Variants in SIPA1L2 observed in about 807,000 individuals in gnomAD.
SIPA1L2 encodes signal-induced proliferation-associated 1-like protein 2.
In SIPA1L2, 56 loss-of-function variants were observed where a neutral mutation model predicts 163.9. The ratio of observed to expected loss-of-function variants is 0.34; its 90% CI spans 0.28 to 0.43. The LOEUF (loss-of-function observed/expected upper bound fraction) is 0.43, where lower values mean the gene tolerates loss of function less well. Among genes scored for constraint, SIPA1L2 ranks in the 20% least tolerant of loss-of-function variants. The pLI is 1.00. For missense variants in SIPA1L2, 1,974 were observed against 2,193.5 expected, an observed-to-expected ratio of 0.90 and a Z score of 2.00; for synonymous variants, 877 against 865.7, an observed-to-expected ratio of 1.01 and a Z score of -0.23.
chr1:232,611,033 T>C (rs1011949676), intron 1 of SIPA1L2, among the ~76,000 whole-genome samples: 4 of 152,086 alleles, frequency 2.6e-5, no homozygotes, highest in Non-Finnish European at 4.4e-5. Flanking sequence ...CAGTGGGAGA[T>C]AGTTTGAATC....
chr1:232,621,798 C>T (rs74839609), intron 1 of SIPA1L2, among the ~76,000 whole-genome samples: 236 of 151,976 alleles, frequency 1.6e-3, no homozygotes, highest in African/African-American at 5.6e-3. Context: ...CTGGCACGAT[C>T]AGCCCACCGT....
intron 3 of SIPA1L2, among the ~76,000 whole-genome samples, chr1:232,505,951 A>G (rs1307730289): frequency 2.6e-5 from 4 of 152,196 alleles, no homozygotes; most frequent in Non-Finnish European, 4.4e-5. Flanking sequence ...GAAGGAAAAA[A>G]CAGCTACCAG....
chr1:232,599,457 C>A lies in SIPA1L2; in HGVS notation c.-318-25235G>T, dbSNP rs1007633842. 2.0e-5 allele frequency among the ~76,000 whole-genome samples: 3 copies of A among 152,244 alleles called. No individual in the cohort carries two copies. In the East Asian group the frequency reaches 5.8e-4, roughly 29 times the overall value. On this transcript the variant is annotated intron_variant, in intron 1 of 22. Transcript: ENST00000674635. The stretch of plus-strand genomic sequence containing the variant: ...ACAGTGGCCAAGGGCAAATTTTTAT[C>A]TGTTGCAGGAAGTTGCATCATCTTC...
At chr1:232,411,120 T>C (rs1274826629) in intron 19 of SIPA1L2, among the ~76,000 whole-genome samples, 1 of 152,240 alleles carries the variant, frequency 6.6e-6, no homozygotes, top group Non-Finnish European at 1.5e-5. Flanking sequence ...CATCTCTAGA[T>C]TGCCCTTTGA....
At chr1:232,539,143 T>C (rs553500465) in intron 2 of SIPA1L2, among the ~76,000 whole-genome samples, 38 of 152,342 alleles carry the variant, frequency 2.5e-4, no homozygotes, top group Admixed American at 5.2e-4. Context: ...TCCAGCCTTC[T>C]ACCAGGCTAA....
intron 3 of SIPA1L2, among the ~76,000 whole-genome samples, chr1:232,504,898 C>A (rs1666657145): frequency 6.6e-6 from 1 of 152,176 alleles, no homozygotes; most frequent in South Asian, 2.1e-4. Context: ...CCCAGACAGT[C>A]CGGCTCTAGT....
chr1:232,430,368 A>G (rs1662159220), intron 16 of SIPA1L2, among the ~76,000 whole-genome samples: 1 of 152,246 alleles, frequency 6.6e-6, no homozygotes, highest in South Asian at 2.1e-4. Context: ...ATTCGCTGAT[A>G]TTATTTAAAA....
chr1:232,534,504 A>G (rs956979020), intron 2 of SIPA1L2, among the ~76,000 whole-genome samples: 1 of 152,282 alleles, frequency 6.6e-6, no homozygotes, highest in East Asian at 1.9e-4. Flanking sequence ...TATGACACTA[A>G]AAGTACAGGC....
intron 9 of SIPA1L2, among the ~76,000 whole-genome samples, chr1:232,461,839 TGA>T (rs1558195368): frequency 6.6e-6 from 1 of 152,148 alleles, no homozygotes; most frequent in Non-Finnish European, 1.5e-5. Context: ...GTCCTTCTCT[TGA>T]GGACAGACAA....
chr1:232,419,127 T>C (rs180892544), intron 18 of SIPA1L2, among the ~76,000 whole-genome samples: 6 of 152,320 alleles, frequency 3.9e-5, no homozygotes, highest in Admixed American at 3.9e-4. Context: ...GAGGGGACAC[T>C]TGGCTGAGAC....
intron 19 of SIPA1L2, among the ~76,000 whole-genome samples, chr1:232,414,807 G>A (rs906826202): frequency 6.6e-6 from 1 of 152,182 alleles, no homozygotes; most frequent in Non-Finnish European, 1.5e-5. Context: ...CAGTATCACC[G>A]TGAGGTCCTG....
chr1:232,483,752 G>C lies in SIPA1L2; in HGVS notation c.1981+40C>G, dbSNP rs767342715. ...GATTTATGAAGCATGCCTACCTTTG[G>C]AGAATTAAAAATGTGCACACACACA... On this transcript the variant is annotated intron_variant, in intron 6 of 22. Transcript: ENST00000674635. The C allele has an allele frequency of 3.7e-6, 6 of 1,608,946 alleles. No homozygotes were observed. The East Asian group carries it at 1.1e-4, about 30-fold the overall frequency.
At chr1:232,478,940 C>A (rs1665179844) in intron 7 of SIPA1L2, among the ~76,000 whole-genome samples, 1 of 152,174 alleles carries the variant, frequency 6.6e-6, no homozygotes, top group Non-Finnish European at 1.5e-5. Flanking sequence ...CTCAAGTGAT[C>A]CTCCAAGTCT....
At chr1:232,534,459 G>A (rs74469107) in intron 2 of SIPA1L2, among the ~76,000 whole-genome samples, 2,326 of 152,274 alleles carry the variant, frequency 0.015, 61 homozygotes, top group African/African-American at 0.052. Flanking sequence ...CTGGAAGAAC[G>A]CTTCACCATA....
chr1:232,552,130 A>T (rs1435763897), intron 2 of SIPA1L2, among the ~76,000 whole-genome samples: 1 of 152,114 alleles, frequency 6.6e-6, no homozygotes, highest in African/African-American at 2.4e-5. Context: ...GTGAGCCACC[A>T]CACCCGGCTG....
chr1:232,441,535 T>C lies in SIPA1L2; in HGVS notation c.3539-141A>G. 7 of 808,698 alleles carry C rather than the reference T, an allele frequency of 8.7e-6. No individual in the cohort carries two copies. The South Asian group carries it at 8.9e-5, about 10-fold the overall frequency. The allele number at this position is 808,698 out of a possible 1,614,324, so 50.1% of individuals were successfully genotyped here. On this transcript the variant is annotated intron_variant, in intron 13 of 22. Transcript: ENST00000674635. ...GACTTTCTGGTCTTACCAATGGATA[T>C]GTCACAAAAGTATACAGAACCACCA...
intron 17 of SIPA1L2, among the ~76,000 whole-genome samples, chr1:232,426,827 A>G (rs1312932313): frequency 6.6e-6 from 1 of 152,194 alleles, no homozygotes; most frequent in Non-Finnish European, 1.5e-5. Flanking sequence ...AATACTCAAG[A>G]AAAGTTAAAT....
chr1:232,593,900 G>A (rs1573140622), intron 1 of SIPA1L2, among the ~76,000 whole-genome samples: 1 of 152,340 alleles, frequency 6.6e-6, no homozygotes, highest in African/African-American at 2.4e-5. Flanking sequence ...GACCCTGCTT[G>A]GGCAGGCACA....
intron 19 of SIPA1L2, among the ~76,000 whole-genome samples, chr1:232,413,640 CCTT>C (rs1259852490): frequency 6.6e-6 from 1 of 152,200 alleles, no homozygotes; most frequent in East Asian, 1.9e-4. Context: ...CCTACTTACT[CCTT>C]GTTACTAGCG....
Sources: allele counts gnomAD v4.1 joint callset (sites outside exome capture counted in the v4.1 genomes callset), GRCh38; gene constraint gnomAD v4.1.1; transcripts MANE v1.5; gene names NCBI Gene and HGNC (gene_info 2026-07-23, HGNC 2026-07-21).